ARID5B: variants seen among roughly 807,000 people sequenced by gnomAD.
ARID5B encodes AT-rich interaction domain 5B.
In ARID5B, 13 loss-of-function variants were observed where a neutral mutation model predicts 97.2. The ratio of observed to expected loss-of-function variants is 0.13; its 90% CI spans 0.09 to 0.21. The LOEUF is 0.21. Among genes scored for constraint, ARID5B ranks in the 10% least tolerant of loss-of-function variants. The pLI is 1.00. For synonymous variants in ARID5B, 556 were observed against 570.3 expected, an observed-to-expected ratio of 0.97 and a Z score of 0.36; for missense variants, 1,210 against 1,465.3, an observed-to-expected ratio of 0.83 and a Z score of 2.84.
At chr10:61,924,075 C>T (rs760568956) in intron 2 of ARID5B, among the ~76,000 whole-genome samples, 12 of 152,204 alleles carry the variant, frequency 7.9e-5, no homozygotes, top group African/African-American at 2.9e-4. Context: ...TTTATTCATT[C>T]TTTCTTTAAG....
At chr10:61,924,260 T>C (rs918512775) in intron 2 of ARID5B, among the ~76,000 whole-genome samples, 7 of 152,214 alleles carry the variant, frequency 4.6e-5, no homozygotes, top group African/African-American at 1.7e-4. Context: ...GTCTGTCCTT[T>C]GTGTTGGCCT....
chr10:62,085,775 CAGG>C lies in ARID5B; in HGVS notation c.1276_1278del (p.Glu426del). On this transcript the variant is annotated inframe_deletion, in exon 9 of 10. Transcript: ENST00000279873. ...CCTGCCTCCAATCAAACCTCGGAAA[CAGG>C]AGAACAGTTCACAGGAAAATGAGAA... 6.2e-7 allele frequency: 1 copy of C among 1,614,018 alleles called. No homozygotes were observed. The highest frequency in any genetic ancestry group is 8.5e-7 in the Non-Finnish European group (1 of 1,179,998).
At position 62,091,634 on chromosome 10, in the gene ARID5B, C is replaced by T; in HGVS notation, c.2171C>T (p.Ala724Val). ...TTGATCAGCAAAAAGAAACTGATTG[C>T]TAGGGATGACTTGTGTTCCAGTTTG... ...PPLISKKKLI[A>V]RDDLCSSLSQ... Residue 724 changes from alanine to valine, a missense_variant, in exon 10 of 10, where the codon GCT becomes GTT. Physicochemically the swap from Ala to Val is moderately conservative, Grantham distance 64. This residue lies in a region of ARID5B where 800 missense variants were observed against 839.1 expected (regional missense o/e 0.95). Coordinates refer to ENST00000279873, the MANE Select transcript of ARID5B (RefSeq NM_032199.3). The T allele has an allele frequency of 1.2e-6, 2 of 1,614,028 alleles. No individual in the cohort carries two copies. The highest frequency in any genetic ancestry group is 2.2e-5 in the South Asian group (2 of 91,060).
At chr10:61,933,541 A>G (rs1410517677) in intron 2 of ARID5B, among the ~76,000 whole-genome samples, 1 of 152,198 alleles carries the variant, frequency 6.6e-6, no homozygotes, top group Non-Finnish European at 1.5e-5. Context: ...AGTCAAAGTT[A>G]CTCCTTGATC....
rs760684328 is a variant in ARID5B, at chr10:61,940,383, C to T, written c.477C>T (p.Asp159=). 2.2e-5 allele frequency: 36 copies of T among 1,613,654 alleles called. No homozygotes were observed. Among genetic ancestry groups the T allele is most frequent in the African/African-American group, 9.3e-5 (7 of 74,900 alleles). The change falls in exon 3 of 10, where the codon GAC becomes GAT. Residue 159 remains aspartate, a synonymous_variant. Transcript: ENST00000279873. Reference sequence around the variant, plus strand: ...TAAACAGTGGACTCAACTTCAAAGACGTTCTCAAGGAGAAGGCAGACCTGG... The same window carrying T: ...TAAACAGTGGACTCAACTTCAAAGATGTTCTCAAGGAGAAGGCAGACCTGG... ...STLNSGLNFK[D]VLKEKADLGE...
chr10:62,063,276 G>A (rs1839944745), intron 7 of ARID5B, among the ~76,000 whole-genome samples: 2 of 152,150 alleles, frequency 1.3e-5, no homozygotes, highest in Non-Finnish European at 2.9e-5. Flanking sequence ...TATGGATAAT[G>A]TAAATATTCA....
At chr10:61,983,912 G>A (rs1838812914) in intron 3 of ARID5B, among the ~76,000 whole-genome samples, 1 of 15,466 alleles carries the variant, frequency 6.5e-5, no homozygotes, top group Non-Finnish European at 1.3e-4. Context: ...ACGGAGTCTC[G>A]CTCTGTCGCC....
At chr10:62,074,876 A>G (rs1044260798) in intron 8 of ARID5B, among the ~76,000 whole-genome samples, 22 of 152,256 alleles carry the variant, frequency 1.4e-4, no homozygotes, top group African/African-American at 4.8e-4. Flanking sequence ...GCATTGATAC[A>G]CTTACGCTGA....
intron 2 of ARID5B, among the ~76,000 whole-genome samples, chr10:61,919,550 A>G (rs16916851): frequency 0.49 from 73,817 of 152,104 alleles, 18,224 homozygotes; most frequent in Non-Finnish European, 0.53. Flanking sequence ...TTTGCTTTGG[A>G]TTAATCCCAC....
At chr10:62,053,721 T>TTACA (rs1174830769) in intron 5 of ARID5B, among the ~76,000 whole-genome samples, 2 of 152,194 alleles carry the variant, frequency 1.3e-5, no homozygotes, top group Non-Finnish European at 2.9e-5. Context: ...CAGAAGTGTA[T>TTACA]TACAGGTGGT....
chr10:62,007,595 G>A (rs1327583298), intron 4 of ARID5B, among the ~76,000 whole-genome samples: 1 of 152,160 alleles, frequency 6.6e-6, no homozygotes, highest in Non-Finnish European at 1.5e-5. Flanking sequence ...CCATGTAAGT[G>A]CTGTTTAAGT....
intron 3 of ARID5B, among the ~76,000 whole-genome samples, chr10:61,969,664 C>T (rs1309917320): frequency 1.3e-5 from 2 of 152,154 alleles, no homozygotes; most frequent in African/African-American, 4.8e-5. Context: ...CTAGACCTGC[C>T]ATGAGTGTGA....
chr10:62,038,085 T>TC (rs1222370063), intron 4 of ARID5B, among the ~76,000 whole-genome samples: 1 of 152,148 alleles, frequency 6.6e-6, no homozygotes. Context: ...CCCTGACTTC[T>TC]CCCCCAGCTT....
chr10:61,903,488 G>A (rs926300655), intron 2 of ARID5B, among the ~76,000 whole-genome samples: 5 of 152,196 alleles, frequency 3.3e-5, no homozygotes, highest in Admixed American at 6.5e-5. Context: ...AACTATTTTG[G>A]GGAGTCTGTG....
intron 3 of ARID5B, among the ~76,000 whole-genome samples, chr10:61,948,991 T>C (rs1838281554): frequency 2.0e-5 from 3 of 152,242 alleles, no homozygotes; most frequent in Non-Finnish European, 4.4e-5. Flanking sequence ...AAGTGTAGAC[T>C]AGTATCTAAT....
At chr10:61,985,676 C>T (rs1323680213) in intron 3 of ARID5B, among the ~76,000 whole-genome samples, 1 of 151,998 alleles carries the variant, frequency 6.6e-6, no homozygotes, top group Non-Finnish European at 1.5e-5. Flanking sequence ...GTAATCGTAT[C>T]ATTTTTAATC....
chr10:62,028,662 A>G (rs1839453697), intron 4 of ARID5B, among the ~76,000 whole-genome samples: 1 of 152,124 alleles, frequency 6.6e-6, no homozygotes, highest in Non-Finnish European at 1.5e-5. Context: ...AGTGCTGCAC[A>G]TAAAGCTCTT....
At chr10:61,950,883 A>G (rs1838314116) in intron 3 of ARID5B, among the ~76,000 whole-genome samples, 1 of 152,180 alleles carries the variant, frequency 6.6e-6, no homozygotes, top group Non-Finnish European at 1.5e-5. Flanking sequence ...TGATAGCATC[A>G]CCTTGGAACA....
intron 7 of ARID5B, among the ~76,000 whole-genome samples, chr10:62,067,160 A>C (rs1403134412): frequency 6.6e-6 from 1 of 151,604 alleles, no homozygotes; most frequent in Non-Finnish European, 1.5e-5. Context: ...ATCTCAGCTC[A>C]CCGCAACCTC....
Sources: allele counts gnomAD v4.1 joint callset (sites outside exome capture counted in the v4.1 genomes callset), GRCh38; gene constraint gnomAD v4.1.1; regional missense constraint gnomAD v4.1.1; transcripts MANE v1.5; gene names NCBI Gene and HGNC (gene_info 2026-07-23, HGNC 2026-07-21).